The following MAST4 variants were observed in gnomAD, a reference collection of about 807,000 sequenced individuals.
The protein encoded by MAST4 is microtubule-associated serine/threonine-protein kinase 4.
A neutral mutation model predicts 162.7 loss-of-function variants in MAST4; 89 were observed. That is an observed-to-expected ratio of 0.55 (90% CI 0.46 to 0.65). The LOEUF is 0.65. Among genes scored for constraint, MAST4 ranks in the 30% least tolerant of loss-of-function variants. The probability of loss-of-function intolerance (pLI) is 0.00; values close to 1 mark genes in which losing one functional copy is unlikely to be tolerated. For missense variants in MAST4, 3,153 were observed against 3,374.0 expected (o/e 0.93, Z 1.62); for synonymous variants, 1,479 against 1,361.1 (o/e 1.09, Z -1.91).
At chr5:67,069,745 T>C (rs1400203046) in intron 5 of MAST4, among the ~76,000 whole-genome samples, 1 of 152,196 alleles carries the variant, frequency 6.6e-6, no homozygotes, top group African/African-American at 2.4e-5. Flanking sequence ...GTGGTAGTTA[T>C]ATCTATCCGC....
At chr5:66,928,528 A>T (rs575961373) in intron 4 of MAST4, among the ~76,000 whole-genome samples, 1 of 152,264 alleles carries the variant, frequency 6.6e-6, no homozygotes, top group Admixed American at 6.5e-5. Flanking sequence ...TCAAAATCCA[A>T]ACAGTTCCAC....
chr5:66,720,364 C>T (rs1325580236), intron 1 of MAST4, among the ~76,000 whole-genome samples: 1 of 151,962 alleles, frequency 6.6e-6, no homozygotes, highest in Non-Finnish European at 1.5e-5. Context: ...TTGATAGTGT[C>T]CCCTGTAAAT....
chr5:67,036,667 T>G (rs966506566), intron 4 of MAST4, among the ~76,000 whole-genome samples: 1 of 152,174 alleles, frequency 6.6e-6, no homozygotes, highest in African/African-American at 2.4e-5. Flanking sequence ...TGTAAATAGA[T>G]CTTATACCGT....
intron 1 of MAST4, among the ~76,000 whole-genome samples, chr5:66,759,213 C>G (rs1253594869): frequency 6.6e-6 from 1 of 152,184 alleles, no homozygotes; most frequent in Non-Finnish European, 1.5e-5. Flanking sequence ...TGTGAATTTT[C>G]TTTTGTAACC....
intron 4 of MAST4, among the ~76,000 whole-genome samples, chr5:66,965,184 A>G (rs1746545996): frequency 6.9e-6 from 1 of 145,272 alleles, no homozygotes; most frequent in Non-Finnish European, 1.5e-5. Context: ...CCTGAATTTA[A>G]TAGGTCCTAA....
intron 26 of MAST4, among the ~76,000 whole-genome samples, chr5:67,154,978 G>A (rs1772308297): frequency 1.3e-5 from 2 of 152,154 alleles, no homozygotes; most frequent in East Asian, 1.9e-4. Flanking sequence ...TGGTACTCTC[G>A]AATGCTGTTT....
At position 66,670,798 on chromosome 5, in the gene MAST4, G is replaced by A. The variant is rs1041032855; in HGVS notation, c.363+73780G>A. Among the ~76,000 whole-genome samples, 4 of 151,326 alleles carry A rather than the reference G, an allele frequency of 2.6e-5. No homozygotes were observed. The East Asian group carries it at 7.8e-4, about 29-fold the overall frequency. ...TTTTGTAACTCAAAAGGTGAGATAA[G>A]GACGTTACCTGAAAGTTTTCAAACA... On this transcript the variant is annotated intron_variant, in intron 1 of 28. Coordinates refer to ENST00000403625, the MANE Select transcript of MAST4 (RefSeq NM_001164664.2).
chr5:66,789,795 C>T (rs760432470), intron 3 of MAST4: 123 of 516,768 alleles, frequency 2.4e-4, no homozygotes, highest in Admixed American at 3.7e-4. Flanking sequence ...AATGCAAATA[C>T]GCTTTTCATC....
chr5:66,919,674 AAAAAAG>A (rs901694048), intron 4 of MAST4, among the ~76,000 whole-genome samples: 3 of 151,576 alleles, frequency 2.0e-5, no homozygotes, highest in African/African-American at 7.3e-5. Context: ...AAAAAAAAAA[AAAAAAG>A]AGAAAAAGGT....
intron 3 of MAST4, among the ~76,000 whole-genome samples, chr5:66,793,788 C>CT (rs1314339742): frequency 6.6e-6 from 1 of 152,168 alleles, no homozygotes; most frequent in Non-Finnish European, 1.5e-5. Context: ...CTTGACCATC[C>CT]TGTTTCAAAC....
intron 3 of MAST4, among the ~76,000 whole-genome samples, chr5:66,845,121 AT>A: frequency 7.3e-6 from 1 of 136,992 alleles, no homozygotes; most frequent in East Asian, 2.4e-4. Context: ...ATATATATAT[AT>A]ATATACACAC....
In MAST4 at chr5:67,166,589, C is replaced by G. The variant is rs760872240; in HGVS notation, c.7410C>G (p.Ala2470=). 2 of 1,602,716 alleles carry G rather than the reference C, an allele frequency of 1.2e-6. No individual in the cohort carries two copies. The highest frequency in any genetic ancestry group is 1.1e-5 in the South Asian group (1 of 88,880). The part of the protein sequence containing the change: ...SCSSSFPETR[A]GVREASAASS... ...CCTCCAGCTTCCCTGAAACCAGGGC[C>G]GGAGTTAGAGAGGCCTCTGCAGCCA... The change falls in exon 29 of 29, where the codon GCC becomes GCG. Residue 2470 remains alanine, a synonymous_variant. Coordinates refer to ENST00000403625, the MANE Select transcript of MAST4 (RefSeq NM_001164664.2).
chr5:66,711,977 A>G (rs2149525075), intron 1 of MAST4, among the ~76,000 whole-genome samples: 1 of 152,256 alleles, frequency 6.6e-6, no homozygotes, highest in South Asian at 2.1e-4. Context: ...AGTTCAGGAG[A>G]TTAGGATGTA....
chr5:66,652,774 G>A (rs911683934), intron 1 of MAST4, among the ~76,000 whole-genome samples: 61 of 152,062 alleles, frequency 4.0e-4, no homozygotes, highest in African/African-American at 1.4e-3. Flanking sequence ...AATTGTCTTT[G>A]GAGTTTGGGC....
chr5:66,650,403 T>C (rs908475562), intron 1 of MAST4, among the ~76,000 whole-genome samples: 24 of 152,038 alleles, frequency 1.6e-4, no homozygotes, highest in African/African-American at 5.3e-4. Flanking sequence ...GTGGAGTAAA[T>C]ACTCCCACCA....
In MAST4 at chr5:67,142,320, C is replaced by T. The variant is rs1770494883; in HGVS notation, c.2617+83C>T. On this transcript the variant is annotated intron_variant, in intron 20 of 28. Transcript: ENST00000403625. ...TTTGCTTTTGAACCTTTTCATATCT[C>T]TGAGTTCTTAAACATAATGTTGATC... is the stretch of plus-strand genomic sequence containing the variant. 7.7e-6 allele frequency: 12 copies of T among 1,552,060 alleles called. No individual in the cohort carries two copies. The South Asian group carries it at 1.3e-4, about 16-fold the overall frequency.
At chr5:67,077,429 C>T (rs1397223347) in intron 5 of MAST4, among the ~76,000 whole-genome samples, 1 of 152,112 alleles carries the variant, frequency 6.6e-6, no homozygotes, top group East Asian at 1.9e-4. Flanking sequence ...CACTATTGTG[C>T]CTAAGAAGCG....
intron 1 of MAST4, among the ~76,000 whole-genome samples, chr5:66,733,882 T>C (rs1333708164): frequency 6.6e-6 from 1 of 152,178 alleles, no homozygotes; most frequent in Non-Finnish European, 1.5e-5. Context: ...TGGATAATAA[T>C]CTAAAATGTC....
intron 4 of MAST4, among the ~76,000 whole-genome samples, chr5:66,935,166 A>G (rs1729567861): frequency 1.3e-5 from 2 of 152,212 alleles, no homozygotes; most frequent in South Asian, 4.1e-4. Context: ...TCCTAATGCC[A>G]CTACCAGTAC....
Sources: allele counts gnomAD v4.1 joint callset (sites outside exome capture counted in the v4.1 genomes callset), GRCh38; gene constraint gnomAD v4.1.1; transcripts MANE v1.5; gene names NCBI Gene and HGNC (gene_info 2026-07-23, HGNC 2026-07-21).